CHM: variants seen among roughly 807,000 people sequenced by gnomAD.
CHM encodes CHM Rab escort protein, also known as rab proteins geranylgeranyltransferase component A 1.
In CHM, 10 loss-of-function variants were observed where a neutral mutation model predicts 49.0. The ratio of observed to expected loss-of-function variants is 0.20; its 90% CI spans 0.13 to 0.35. CHM has a LOEUF of 0.35. Among genes scored for constraint, CHM ranks in the 10% least tolerant of loss-of-function variants. CHM has a pLI of 1.00. For missense variants in CHM, 455 were observed against 478.4 expected (o/e 0.95, Z 0.46); for synonymous variants, 184 against 167.5 (o/e 1.10, Z -0.76).
intron 3 of CHM, among the ~76,000 whole-genome samples, chrX:85,979,787 T>A (rs1931493337): frequency 8.9e-6 from 1 of 112,243 alleles, no homozygotes; most frequent in South Asian, 3.7e-4. Flanking sequence ...CTTACAAATG[T>A]CATAAAGGCA....
chrX:85,925,633 C>G (rs1355566652), intron 8 of CHM, among the ~76,000 whole-genome samples: 3 of 111,256 alleles, frequency 2.7e-5, no homozygotes, highest in Non-Finnish European at 5.7e-5. Context: ...GGTTTAATGT[C>G]CTGTATGATA....
Position 85,914,586 on chromosome X carries a change from T to A in CHM, c.1167-3248A>T, listed in dbSNP as rs181424611. The stretch of plus-strand genomic sequence containing the variant: ...GCCACGCTGCCAGGGCCCACATGCA[T>A]AAGAATCTACCACCACCACATCAGC... On this transcript the variant is annotated intron_variant, in intron 8 of 14. Transcript: ENST00000357749. Among the ~76,000 whole-genome samples, 7 of 110,500 alleles carry A rather than the reference T, an allele frequency of 6.3e-5. No homozygotes were observed. The East Asian group carries it at 2.0e-3, about 32-fold the overall frequency.
At chrX:85,870,157 T>C (rs1199305539) in intron 14 of CHM, among the ~76,000 whole-genome samples, 2 of 111,608 alleles carry the variant, frequency 1.8e-5, no homozygotes, top group East Asian at 5.6e-4. Context: ...TTAGCTTCCT[T>C]ATCTATAAAT....
At position 85,863,084 on chromosome X, in the gene CHM, T is replaced by G. The variant is rs1451596321; in HGVS notation, c.*1546A>C. ...TCACTGCAGCTTAGTTTGCTGCCTA[T>G]GTACAGCCCCCTTTTTTTTTTTTTG... On this transcript the variant is annotated 3_prime_UTR_variant, in exon 15 of 15. Coordinates refer to ENST00000357749, the MANE Select transcript of CHM (RefSeq NM_000390.4). The G allele has an allele frequency of 1.8e-5, 2 of 109,794 alleles. No individual in the cohort carries two copies. The highest frequency in any genetic ancestry group is 6.8e-5 in the African/African-American group (2 of 29,588). 9.0% of individuals were successfully genotyped at this position (109,794 alleles called of 1,213,427 possible). A position where few individuals can be genotyped will look rare whatever the true frequency, so the allele number is the denominator to read the frequency against.
chrX:85,903,412 A>G (rs1926399036), intron 9 of CHM, among the ~76,000 whole-genome samples: 1 of 111,191 alleles, frequency 9.0e-6, no homozygotes, highest in Non-Finnish European at 1.9e-5. Context: ...GTAGGCTTCT[A>G]AACATGAACG....
intron 8 of CHM, among the ~76,000 whole-genome samples, chrX:85,926,324 T>G (rs1269578159): frequency 9.0e-6 from 1 of 111,492 alleles, no homozygotes; most frequent in Non-Finnish European, 1.9e-5. Flanking sequence ...GTATAAAATC[T>G]TCTCAGAGGC....
chrX:85,972,923 C>T (rs951368940), intron 4 of CHM, among the ~76,000 whole-genome samples: 3 of 112,026 alleles, frequency 2.7e-5, no homozygotes, highest in Non-Finnish European at 5.6e-5. Flanking sequence ...CACCTCTCAT[C>T]GGTATGGCTA....
intron 2 of CHM, among the ~76,000 whole-genome samples, chrX:86,024,761 A>T (rs1419177127): frequency 8.9e-6 from 1 of 112,564 alleles, no homozygotes; most frequent in Non-Finnish European, 1.9e-5. Flanking sequence ...TATTATTATC[A>T]AAATCATCTG....
chrX:85,942,963 C>G (rs1603258003), intron 8 of CHM, among the ~76,000 whole-genome samples: 1 of 95,950 alleles, frequency 1.0e-5, no homozygotes, highest in South Asian at 5.6e-4. Context: ...TCCTGTGTCC[C>G]TGTGTTCTCA....
At chrX:85,927,215 A>AT (rs1174486923) in intron 8 of CHM, among the ~76,000 whole-genome samples, 2 of 111,744 alleles carry the variant, frequency 1.8e-5, no homozygotes, top group Non-Finnish European at 3.8e-5. Context: ...ACAGTCTTGG[A>AT]TTTTTTTTAA....
chrX:86,027,628 T>C, intron 1 of CHM, 71 bp from the exon 2 acceptor site: 1 of 881,431 alleles, frequency 1.1e-6, no homozygotes, highest in Non-Finnish European at 1.7e-6. Context: ...GTTCAATACA[T>C]GCCATTGCTG....
At chrX:85,958,041 C>CT in intron 6 of CHM, 66 bp from the exon 7 acceptor site, 1 of 1,143,221 alleles carries the variant, frequency 8.7e-7, no homozygotes, top group East Asian at 3.1e-5. Context: ...CCAAATTACA[C>CT]TTTTTTCCCC....
At chrX:85,968,583 G>C (rs1342847171) in intron 4 of CHM, among the ~76,000 whole-genome samples, 1 of 112,026 alleles carries the variant, frequency 8.9e-6, no homozygotes, top group Non-Finnish European at 1.9e-5. Context: ...ACATTATCCA[G>C]TTTCAGCCAA....
intron 8 of CHM, among the ~76,000 whole-genome samples, chrX:85,913,063 G>A (rs192406520): frequency 8.1e-4 from 71 of 88,121 alleles, no homozygotes; most frequent in Non-Finnish European, 7.4e-4. Context: ...CAGGGCCCAC[G>A]CCTGTAATCC....
intron 4 of CHM, among the ~76,000 whole-genome samples, chrX:85,978,177 G>A (rs2147705360): frequency 9.0e-6 from 1 of 111,632 alleles, no homozygotes; most frequent in South Asian, 3.8e-4. Flanking sequence ...CTCACTCAGA[G>A]GGAGATACTT....
chrX:85,945,220 C>T (rs1427330406), intron 8 of CHM, among the ~76,000 whole-genome samples: 1 of 110,178 alleles, frequency 9.1e-6, no homozygotes, highest in Non-Finnish European at 1.9e-5. Context: ...ACAATATGTA[C>T]ACCAAAGCCC....
intron 8 of CHM, among the ~76,000 whole-genome samples, chrX:85,913,328 A>AAAAAAAAGAAAGAAAGAAAGAAAGAAAG (rs1927190907): frequency 4.6e-5 from 1 of 21,646 alleles, no homozygotes; most frequent in African/African-American, 1.3e-4. Flanking sequence ...AAAAAAAAAA[A>AAAAAAAAGAAAGAAAGAAAGAAAGAAAG]AAAAAAAGAA....
At chrX:85,883,294 A>G (rs1045756335) in intron 12 of CHM, among the ~76,000 whole-genome samples, 10 of 111,531 alleles carry the variant, frequency 9.0e-5, no homozygotes, top group Non-Finnish European at 1.9e-5. Flanking sequence ...ATTAATTTAC[A>G]TAGAGATCAA....
intron 14 of CHM, among the ~76,000 whole-genome samples, chrX:85,868,978 C>A (rs763806841): frequency 2.9e-4 from 32 of 111,798 alleles, no homozygotes; most frequent in African/African-American, 1.0e-3. Context: ...TGATATTTAT[C>A]TTTTACATCC....
Sources: gnomAD v4.1 joint callset for allele counts (sites outside exome capture counted in the v4.1 genomes callset) on GRCh38, gnomAD v4.1.1 for gene constraint, MANE v1.5 for transcripts, NCBI Gene and HGNC (gene_info 2026-07-23, HGNC 2026-07-21) for gene names.